Variants in MCM9 observed in about 807,000 individuals in gnomAD.
The protein encoded by MCM9 is minichromosome maintenance 9 homologous recombination repair factor.
A neutral mutation model predicts 72.8 loss-of-function variants in MCM9; 55 were observed. The observed-to-expected ratio is 0.76, with a 90% confidence interval of 0.61 to 0.95. MCM9 has a LOEUF of 0.95. Ranked by LOEUF, MCM9 falls within the 40% of genes least tolerant of loss-of-function variation. MCM9 has a pLI of 0.00. For synonymous variants in MCM9, 480 were observed against 503.4 expected (o/e 0.95, Z 0.62); for missense variants, 1,279 against 1,377.0 (o/e 0.93, Z 1.13).
chr6:118,908,600 T>C (rs893080970), intron 8 of MCM9: 2 of 152,162 alleles, frequency 1.3e-5, no homozygotes, highest in Non-Finnish European at 2.9e-5. Context: ...CCTCTGACAC[T>C]CATGCAGAAT....
rs1352027065 is a variant in MCM9, at chr6:118,816,130, T to C, written c.2126A>G (p.Glu709Gly). 1 of 1,550,488 alleles carries C rather than the reference T, an allele frequency of 6.4e-7. No homozygotes were observed. The highest frequency in any genetic ancestry group is 2.0e-5 in the Admixed American group (1 of 51,004). Residue 709 changes from glutamate (E) to glycine (G), a missense_variant, in exon 14 of 14, where the codon GAG (glutamate) becomes GGG (glycine). Coordinates refer to ENST00000619706, the MANE Select transcript of MCM9 (RefSeq NM_017696.3). ...TGGGGGATCTAGAACTGGGCTTCCC[T>C]CGGGGCTGCCTCCAGGAGAGAAGAT... ...THIFSPGGSP[E>G]GSPVLDPPPH...
chr6:118,890,879 C>A lies in MCM9; in HGVS notation c.1150+20771G>T, dbSNP rs1390711666. Among the ~76,000 whole-genome samples the A allele has an allele frequency of 2.6e-5, 4 of 152,176 alleles. No individual in the cohort carries two copies. The East Asian group carries it at 7.7e-4, about 29-fold the overall frequency. On this transcript the variant is annotated intron_variant, in intron 8 of 13. Transcript: ENST00000619706. The stretch of plus-strand genomic sequence containing the variant: ...GTTGGTAATAATACAAATGAGAAGA[C>A]AATTCAACACAGTGATTACCCGAGG...
chr6:118,933,422 C>A (rs1488087483), intron 1 of MCM9, among the ~76,000 whole-genome samples: 1 of 151,322 alleles, frequency 6.6e-6, no homozygotes, highest in Non-Finnish European at 1.5e-5. Flanking sequence ...AGGAGAATGG[C>A]GTGAACCCGG....
chr6:118,834,634 G>C (rs1300696429), intron 9 of MCM9, among the ~76,000 whole-genome samples: 1 of 151,280 alleles, frequency 6.6e-6, no homozygotes, highest in Non-Finnish European at 1.5e-5. Flanking sequence ...TTTCACGTTT[G>C]TTGGCCATAT....
At chr6:118,864,240 C>T (rs962807959) in intron 8 of MCM9, among the ~76,000 whole-genome samples, 1 of 151,992 alleles carries the variant, frequency 6.6e-6, no homozygotes, top group Non-Finnish European at 1.5e-5. Flanking sequence ...CCCCAAAGTC[C>T]ATTATATCAT....
At chr6:118,843,704 G>GTGTGTGTGTGTATA (rs1562407274) in intron 9 of MCM9, among the ~76,000 whole-genome samples, 2 of 60,840 alleles carry the variant, frequency 3.3e-5, no homozygotes, top group African/African-American at 1.3e-4. Context: ...ATATATATAT[G>GTGTGTGTGTGTATA]TATGTATATA....
Position 118,913,341 on chromosome 6 carries a change from C to T in MCM9, c.984G>A (p.Leu328=), listed in dbSNP as rs760194157. The change falls in exon 7 of 14, where the codon CTG becomes CTA. Residue 328 remains leucine, a synonymous_variant. Coordinates refer to ENST00000619706, the MANE Select transcript of MCM9 (RefSeq NM_017696.3). ...CATCAGTCCTTTGAATCCCACCAGC[C>T]AGCACCATGGCCACAGCAAGCTTTA... ...YLVKLAVAMV[L]AGGIQRTDAT... The T allele has an allele frequency of 6.2e-7, 1 of 1,614,124 alleles. No individual in the cohort carries two copies. Among genetic ancestry groups the T allele is most frequent in the East Asian group, 2.2e-5 (1 of 44,886 alleles).
At chr6:118,933,376 G>A (rs1323216747) in intron 1 of MCM9, among the ~76,000 whole-genome samples, 2 of 152,014 alleles carry the variant, frequency 1.3e-5, no homozygotes, top group Non-Finnish European at 2.9e-5. Context: ...CGTGGTGGCA[G>A]GTGCCTGAAG....
rs751265042 is a variant in MCM9, at chr6:118,815,934, C to T, written c.2322G>A (p.Ser774=). The change falls in exon 14 of 14, where the codon TCG becomes TCA. Residue 774 remains serine, a synonymous_variant. Coordinates refer to ENST00000619706, the MANE Select transcript of MCM9 (RefSeq NM_017696.3). Reference sequence around the variant, plus strand: ...CCTGAGATGTGCTGTTAGAGATCTTCGAAGCCATATTTTCTCCAGATGTTT... The same window carrying T: ...CCTGAGATGTGCTGTTAGAGATCTTTGAAGCCATATTTTCTCCAGATGTTT... ...HPKTSGENMA[S]KISNSTSQGK... 1.5e-5 allele frequency: 23 copies of T among 1,549,230 alleles called. No individual in the cohort carries two copies. Among genetic ancestry groups the T allele is most frequent in the Admixed American group, 3.9e-5 (2 of 50,952 alleles).
intron 13 of MCM9, among the ~76,000 whole-genome samples, chr6:118,825,177 A>G (rs771628212): frequency 3.9e-5 from 6 of 152,158 alleles, no homozygotes; most frequent in Non-Finnish European, 5.9e-5. Context: ...AATCAGCTAC[A>G]TCAAATCATA....
chr6:118,842,572 T>G (rs1227769501), intron 9 of MCM9, among the ~76,000 whole-genome samples: 96 of 152,196 alleles, frequency 6.3e-4, no homozygotes, highest in Non-Finnish European at 2.4e-4. Flanking sequence ...CAGGCTGGAG[T>G]GCAGTGGTCC....
At chr6:118,884,898 A>G (rs1346164039) in intron 8 of MCM9, among the ~76,000 whole-genome samples, 2 of 152,210 alleles carry the variant, frequency 1.3e-5, no homozygotes, top group Non-Finnish European at 2.9e-5. Context: ...AAGAACCCTA[A>G]GATTAAAACA....
intron 8 of MCM9, among the ~76,000 whole-genome samples, chr6:118,878,270 AT>A (rs1037697647): frequency 6.6e-6 from 1 of 152,188 alleles, no homozygotes; most frequent in African/African-American, 2.4e-5. Context: ...AATTTAATTA[AT>A]GTAAAGTTAA....
intron 8 of MCM9, among the ~76,000 whole-genome samples, chr6:118,898,583 A>G (rs1461574728): frequency 6.6e-6 from 1 of 151,838 alleles, no homozygotes; most frequent in Non-Finnish European, 1.5e-5. Flanking sequence ...TGCCACCCCT[A>G]ATTTTTGTAC....
chr6:118,821,991 T>G (rs566903876), intron 13 of MCM9, among the ~76,000 whole-genome samples: 2 of 152,342 alleles, frequency 1.3e-5, no homozygotes, highest in East Asian at 3.9e-4. Flanking sequence ...TTTACGCTTC[T>G]TTCTAAACTG....
chr6:118,922,278 CAT>C (rs1402928795), intron 4 of MCM9, among the ~76,000 whole-genome samples, 192 bp from the exon 5 acceptor site: 4 of 152,184 alleles, frequency 2.6e-5, no homozygotes, highest in African/African-American at 4.8e-5. Context: ...ATAAAATACA[CAT>C]ATGGAAAATA....
At chr6:118,888,848 G>A (rs1048481073) in intron 8 of MCM9, among the ~76,000 whole-genome samples, 8 of 152,160 alleles carry the variant, frequency 5.3e-5, no homozygotes, top group Middle Eastern at 3.4e-3. Flanking sequence ...ATAAGATTCC[G>A]TTTATATGAA....
intron 3 of MCM9, among the ~76,000 whole-genome samples, chr6:118,931,049 G>T (rs1782382019): frequency 6.6e-6 from 1 of 152,112 alleles, no homozygotes; most frequent in Admixed American, 6.5e-5. Flanking sequence ...TCCTAAAATA[G>T]TTCTGAAGAT....
intron 6 of MCM9, among the ~76,000 whole-genome samples, chr6:118,916,279 A>C (rs1222779779): frequency 6.6e-6 from 1 of 151,224 alleles, no homozygotes; most frequent in African/African-American, 2.4e-5. Context: ...ATAAATCTAT[A>C]ATGTAGAGAA....
Sources: gnomAD v4.1 joint callset for allele counts (sites outside exome capture counted in the v4.1 genomes callset) on GRCh38, gnomAD v4.1.1 for gene constraint, MANE v1.5 for transcripts, NCBI Gene and HGNC (gene_info 2026-07-23, HGNC 2026-07-21) for gene names.